Variants in CAST observed in about 807,000 individuals in gnomAD.
CAST encodes the protein MIR583 host.
Under a neutral mutation model 119.6 loss-of-function variants are expected in CAST, and 76 were observed. That is an observed-to-expected ratio of 0.64 (90% confidence interval 0.53 to 0.77). The LOEUF is 0.77. CAST is among the 30% of genes least tolerant of loss of function. CAST has a pLI of 0.00. For missense variants in CAST, 953 were observed against 946.5 expected, an observed-to-expected ratio of 1.01 and a Z score of -0.09; for synonymous variants, 319 against 331.6, an observed-to-expected ratio of 0.96 and a Z score of 0.41.
upstream of CAST, among the ~76,000 whole-genome samples, chr5:96,528,805 A>G (rs1371787766): frequency 6.6e-6 from 1 of 152,244 alleles, no homozygotes; most frequent in East Asian, 1.9e-4. Flanking sequence ...TCTTGTAGTG[A>G]TGACTAGACC....
chr5:96,242,369 G>C, the CAST span, among the ~76,000 whole-genome samples: 1 of 152,100 alleles, frequency 6.6e-6, no homozygotes, highest in African/African-American at 2.4e-5. Flanking sequence ...GGCCTCAAGT[G>C]ATCTTCCCAC....
At chr5:95,997,208 A>G in the CAST span, among the ~76,000 whole-genome samples, 1 of 152,062 alleles carries the variant, frequency 6.6e-6, no homozygotes, top group African/African-American at 2.4e-5. Context: ...TGATTCACAT[A>G]TTTACCAGGG....
chr5:96,364,333 G>T, the CAST span, among the ~76,000 whole-genome samples: 1 of 152,324 alleles, frequency 6.6e-6, no homozygotes, highest in Non-Finnish European at 1.5e-5. Flanking sequence ...GTATCAGGAT[G>T]ATGCTGGCCT....
chr5:96,028,814 T>A, the CAST span, among the ~76,000 whole-genome samples: 1 of 152,058 alleles, frequency 6.6e-6, no homozygotes, highest in Non-Finnish European at 1.5e-5. Context: ...TTGTAAAAAG[T>A]ATAGGTTTTT....
At chr5:96,047,600 G>A in the CAST span, among the ~76,000 whole-genome samples, 1 of 152,078 alleles carries the variant, frequency 6.6e-6, no homozygotes, top group Non-Finnish European at 1.5e-5. Flanking sequence ...AAATAGGTGG[G>A]CACTTTGAAT....
At chr5:96,102,703 TTC>T in the CAST span, among the ~76,000 whole-genome samples, 1 of 149,882 alleles carries the variant, frequency 6.7e-6, no homozygotes, top group Non-Finnish European at 1.5e-5. Context: ...TGACTATTTG[TTC>T]TCTCTAGTTT....
chr5:96,756,679 A>T (rs1302831719), intron 22 of CAST, among the ~76,000 whole-genome samples: 1 of 152,210 alleles, frequency 6.6e-6, no homozygotes, highest in African/African-American at 2.4e-5. Flanking sequence ...TCACATTTTC[A>T]ATGAAACAAA....
At chr5:96,751,104 ATTTC>A (rs1764946697) in intron 20 of CAST, among the ~76,000 whole-genome samples, 2 of 152,070 alleles carry the variant, frequency 1.3e-5, no homozygotes, top group South Asian at 4.2e-4. Context: ...AACTGACTCA[ATTTC>A]TTTCTCTTTC....
At chr5:96,456,622 G>A in the CAST span, among the ~76,000 whole-genome samples, 1 of 152,136 alleles carries the variant, frequency 6.6e-6, no homozygotes, top group Non-Finnish European at 1.5e-5. Context: ...TTAAACAATT[G>A]AGTGCCTACC....
the CAST span, among the ~76,000 whole-genome samples, chr5:96,211,722 T>C: frequency 6.6e-6 from 1 of 152,064 alleles, no homozygotes; most frequent in African/African-American, 2.4e-5. Flanking sequence ...TTAATTCTTC[T>C]GTAAACATTG....
chr5:96,758,771 A>C (rs528129957), intron 24 of CAST, among the ~76,000 whole-genome samples: 1 of 152,152 alleles, frequency 6.6e-6, no homozygotes, highest in Non-Finnish European at 1.5e-5. Flanking sequence ...TCATCCCGTG[A>C]CCTTCCTCTC....
chr5:96,159,709 C>A, the CAST span, among the ~76,000 whole-genome samples: 2 of 152,094 alleles, frequency 1.3e-5, no homozygotes, highest in African/African-American at 4.8e-5. Context: ...AGATATACTT[C>A]ACTATTTTTG....
the CAST span, chr5:95,961,932 T>C: frequency 8.1e-6 from 5 of 616,324 alleles, no homozygotes; most frequent in East Asian, 3.4e-5. Flanking sequence ...GCTCGTCTCA[T>C]TGGTCTTGTT....
At chr5:96,191,084 G>A in the CAST span, among the ~76,000 whole-genome samples, 5 of 152,222 alleles carry the variant, frequency 3.3e-5, no homozygotes, top group African/African-American at 1.2e-4. Context: ...TGGCTGCACA[G>A]TAGTCCATGG....
At chr5:96,173,826 C>A in the CAST span, among the ~76,000 whole-genome samples, 2 of 151,896 alleles carry the variant, frequency 1.3e-5, no homozygotes, top group African/African-American at 4.8e-5. Flanking sequence ...CTGCAAGCTC[C>A]GCCTCACGGG....
the CAST span, among the ~76,000 whole-genome samples, chr5:96,134,675 G>A: frequency 6.6e-6 from 1 of 152,184 alleles, no homozygotes; most frequent in Admixed American, 6.5e-5. Context: ...CAGGCCAGTG[G>A]TACCTAAAGG....
intron 1 of CAST, among the ~76,000 whole-genome samples, chr5:96,554,311 T>A (rs898499584): frequency 2.0e-5 from 3 of 152,172 alleles, no homozygotes; most frequent in African/African-American, 7.2e-5. Context: ...GGGAAAAGAT[T>A]CCCTATTTAA....
rs531125903 is a variant in CAST, at chr5:96,771,521, T to G, written c.2341-123T>G. Reference sequence around the variant, plus strand: ...TTGTGGCCAGATGAAGAAGAGAAACTGAAAGGACCATCTTATTTTTCCCCA... The same window carrying G: ...TTGTGGCCAGATGAAGAAGAGAAACGGAAAGGACCATCTTATTTTTCCCCA... On this transcript the variant is annotated intron_variant, in intron 30 of 31. Transcript: ENST00000675179. 3.2e-5 allele frequency: 21 copies of G among 646,580 alleles called. No individual in the cohort carries two copies. The South Asian group carries it at 4.4e-4, about 14-fold the overall frequency. The allele number at this position is 646,580 out of a possible 1,614,324, so 40.1% of individuals were successfully genotyped here.
intron 3 of CAST, among the ~76,000 whole-genome samples, chr5:96,721,939 G>A (rs1758333364): frequency 6.6e-6 from 1 of 152,170 alleles, no homozygotes; most frequent in Admixed American, 6.5e-5. Context: ...GAGACATAAT[G>A]CAGTAGAATT....
Sources: gnomAD v4.1 joint callset for allele counts (sites outside exome capture counted in the v4.1 genomes callset) on GRCh38, gnomAD v4.1.1 for gene constraint, MANE v1.5 for transcripts, NCBI Gene and HGNC (gene_info 2026-07-23, HGNC 2026-07-21) for gene names.